The following VPS45 variants were observed in gnomAD, a reference collection of about 807,000 sequenced individuals.
VPS45 encodes the protein vacuolar protein sorting 45 homolog, also known as vacuolar protein sorting-associated protein 45.
A neutral mutation model predicts 75.9 loss-of-function variants in VPS45; 35 were observed. That is an observed-to-expected ratio of 0.46 (90% CI 0.35 to 0.61). The LOEUF (loss-of-function observed/expected upper bound fraction) is 0.61, where lower values mean the gene tolerates loss of function less well. Among genes scored for constraint, VPS45 ranks in the 20% least tolerant of loss-of-function variants. The probability of loss-of-function intolerance (pLI) is 0.00; values close to 1 mark genes in which losing one functional copy is unlikely to be tolerated. For synonymous variants in VPS45, 220 were observed against 238.2 expected (o/e 0.92, Z 0.70); for missense variants, 559 against 685.9 (o/e 0.81, Z 2.07).
chr1:150,136,264 A>AAAT (rs1659091096), intron 14 of VPS45, among the ~76,000 whole-genome samples: 1 of 148,632 alleles, frequency 6.7e-6, no homozygotes, highest in African/African-American at 2.5e-5. Context: ...AAAAAAAAAA[A>AAAT]AATTTGAGGC....
At chr1:150,139,481 G>A (rs950259462) in intron 14 of VPS45, among the ~76,000 whole-genome samples, 8 of 152,092 alleles carry the variant, frequency 5.3e-5, no homozygotes, top group African/African-American at 1.9e-4. Flanking sequence ...TTTTGTTTTT[G>A]TTTTGGGGGG....
In VPS45 at chr1:150,085,541, G is replaced by T. The variant is rs151009647; in HGVS notation, c.1104+2658G>T. Among the ~76,000 whole-genome samples, 834 of 152,100 alleles carry T rather than the reference G, an allele frequency of 5.5e-3. 4 individuals are homozygous for T. Among genetic ancestry groups the T allele is most frequent in the African/African-American group, 0.019 (792 of 41,512 alleles). On this transcript the variant is annotated intron_variant, in intron 10 of 14. Transcript: ENST00000644510. ...TGATTTGGAGTCCCCCATCATAAACGACTTATTTGGCAACATAACTTAAAT... is the reference window on the plus strand; with the variant it reads ...TGATTTGGAGTCCCCCATCATAAACTACTTATTTGGCAACATAACTTAAAT...
chr1:150,112,083 G>C (rs1002198492), intron 14 of VPS45, among the ~76,000 whole-genome samples: 6 of 151,966 alleles, frequency 3.9e-5, no homozygotes, highest in African/African-American at 1.4e-4. Context: ...GAACTCACTG[G>C]CTATTTATAT....
intron 14 of VPS45, among the ~76,000 whole-genome samples, chr1:150,126,644 T>C (rs1212983620): frequency 2.0e-5 from 3 of 152,144 alleles, no homozygotes; most frequent in Non-Finnish European, 4.4e-5. Flanking sequence ...TGAATTTTAT[T>C]GTCTATGAGT....
Position 150,077,002 on chromosome 1 carries a change from T to C in VPS45, c.438+18T>C, listed in dbSNP as rs1475937153. 1.2e-6 allele frequency: 2 copies of C among 1,613,970 alleles called. No homozygotes were observed. The highest frequency in any genetic ancestry group is 1.7e-6 in the Non-Finnish European group (2 of 1,179,968). Reference sequence around the variant, plus strand: ...GCTGCCAGGTATGGAAGGAAAGGTTTAATTTATCAGTCGAGAGTTAATTCA... The same window carrying C: ...GCTGCCAGGTATGGAAGGAAAGGTTCAATTTATCAGTCGAGAGTTAATTCA... On this transcript the variant is annotated intron_variant, in intron 5 of 14. Coordinates refer to ENST00000644510, the MANE Select transcript of VPS45 (RefSeq NM_007259.5).
chr1:150,117,111 G>A (rs1379879738), intron 14 of VPS45, among the ~76,000 whole-genome samples: 1 of 152,002 alleles, frequency 6.6e-6, no homozygotes, highest in Non-Finnish European at 1.5e-5. Flanking sequence ...TGAGGCAGGA[G>A]AATCACTTGA....
intron 14 of VPS45, among the ~76,000 whole-genome samples, chr1:150,135,230 A>G (rs1476669558): frequency 1.3e-5 from 2 of 152,124 alleles, no homozygotes; most frequent in Non-Finnish European, 2.9e-5. Flanking sequence ...ATGAAAAATA[A>G]TATAAAATTA....
In VPS45 at chr1:150,092,375, T is replaced by C. The variant is rs1323576184; in HGVS notation, c.1337T>C (p.Val446Ala). The change falls in exon 12 of 15, where the codon GTG (valine) becomes GCG (alanine). Residue 446 changes from valine (V) to alanine (A), a missense_variant. By Grantham distance (64) the Val-to-Ala change is moderately conservative. Coordinates refer to ENST00000644510, the MANE Select transcript of VPS45 (RefSeq NM_007259.5). ...GSDLFSPKDA[V>A]AITKQFLKGL... ...GACCTCTTCAGCCCCAAAGATGCTG[T>C]GGCTATCACCAAACAATTCCTCAAA... 2 of 1,614,054 alleles carry C rather than the reference T, an allele frequency of 1.2e-6. No homozygotes were observed. Among genetic ancestry groups the C allele is most frequent in the Non-Finnish European group, 8.5e-7 (1 of 1,180,020 alleles).
At chr1:150,075,291 CTG>C (rs1458843303) in intron 3 of VPS45, among the ~76,000 whole-genome samples, 2 of 152,034 alleles carry the variant, frequency 1.3e-5, no homozygotes, top group African/African-American at 4.8e-5. Context: ...ATTGAAGAAA[CTG>C]TTAAGTTTTC....
chr1:150,081,816 C>T (rs2101535496), intron 8 of VPS45, 68 bp from the exon 9 acceptor site: 1 of 1,007,352 alleles, frequency 9.9e-7, no homozygotes. Flanking sequence ...AATTCTTTTT[C>T]ACTTCTTTCA....
At chr1:150,103,575 A>C (rs1343849942) in intron 13 of VPS45, among the ~76,000 whole-genome samples, 5 of 152,098 alleles carry the variant, frequency 3.3e-5, no homozygotes, top group Admixed American at 1.3e-4. Flanking sequence ...CATCCGTGAC[A>C]TTTTCTTTCC....
intron 6 of VPS45, 92 bp downstream of exon 6, chr1:150,077,323 C>CTTGGTTGT: frequency 6.8e-7 from 1 of 1,461,190 alleles, no homozygotes; most frequent in Non-Finnish European, 9.2e-7. Flanking sequence ...TATTTACAAC[C>CTTGGTTGT]AAGGAGATGA....
At chr1:150,090,419 G>A (rs868974061) in intron 10 of VPS45, among the ~76,000 whole-genome samples, 16 of 151,756 alleles carry the variant, frequency 1.1e-4, no homozygotes, top group South Asian at 4.2e-4. Context: ...ACATGTTTCT[G>A]TTATAACACC....
intron 14 of VPS45, among the ~76,000 whole-genome samples, chr1:150,124,684 G>C (rs1658413733): frequency 6.7e-6 from 1 of 149,730 alleles, no homozygotes; most frequent in African/African-American, 2.5e-5. Flanking sequence ...CAAGTAGCTG[G>C]GACTACAAGC....
At chr1:150,138,962 T>C (rs1471182865) in intron 14 of VPS45, among the ~76,000 whole-genome samples, 1 of 152,128 alleles carries the variant, frequency 6.6e-6, no homozygotes, top group Admixed American at 6.5e-5. Context: ...TCCTGACTTA[T>C]CAATAAGTCC....
intron 12 of VPS45, among the ~76,000 whole-genome samples, chr1:150,093,136 G>A (rs926305612): frequency 1.3e-5 from 2 of 152,068 alleles, no homozygotes; most frequent in South Asian, 2.1e-4. Context: ...GTGAGCCACC[G>A]CGCCCGGCAG....
Position 150,068,697 on chromosome 1 carries a change from G to A in VPS45, c.161G>A (p.Arg54His), listed in dbSNP as rs897058042. The A allele has an allele frequency of 2.5e-6, 4 of 1,613,066 alleles. No homozygotes were observed. Among genetic ancestry groups the A allele is most frequent in the Non-Finnish European group, 3.4e-6 (4 of 1,179,478 alleles). Reference protein sequence around the residue: ...ILQKEVYLFERIDSQNREIMK... With the variant: ...ILQKEVYLFEHIDSQNREIMK... ...CAGAAGGAAGTGTACCTCTTTGAAC[G>A]CATTGATTCTCAAAATCGAGAGATC... Residue 54 changes from arginine (R) to histidine (H), a missense_variant, in exon 2 of 15, where the codon CGC (arginine) becomes CAC (histidine). Transcript: ENST00000644510.
At chr1:150,139,098 C>A (rs143279408) in intron 14 of VPS45, among the ~76,000 whole-genome samples, 1 of 152,154 alleles carries the variant, frequency 6.6e-6, no homozygotes, top group Non-Finnish European at 1.5e-5. Flanking sequence ...CCCAACACCC[C>A]CTTCTCAATA....
intron 13 of VPS45, among the ~76,000 whole-genome samples, chr1:150,101,035 C>T (rs1157055348): frequency 3.9e-5 from 6 of 151,990 alleles, no homozygotes; most frequent in Non-Finnish European, 8.8e-5. Flanking sequence ...TGTGGAAGGC[C>T]GAGGCAGGTG....
Sources: gnomAD v4.1 joint callset for allele counts (sites outside exome capture counted in the v4.1 genomes callset) on GRCh38, gnomAD v4.1.1 for gene constraint, MANE v1.5 for transcripts, NCBI Gene and HGNC (gene_info 2026-07-23, HGNC 2026-07-21) for gene names.